The following FANCB variants were observed in gnomAD, a reference collection of about 807,000 sequenced individuals.
FANCB encodes Fanconi anemia group B protein.
In FANCB, 5 loss-of-function variants were observed where a neutral mutation model predicts 38.9. The ratio of observed to expected loss-of-function variants is 0.13; its 90% CI spans 0.07 to 0.27. The LOEUF (loss-of-function observed/expected upper bound fraction) is 0.27, where lower values mean the gene tolerates loss of function less well. Among genes scored for constraint, FANCB ranks in the 10% least tolerant of loss-of-function variants. FANCB has a pLI of 1.00. For missense variants in FANCB, 573 were observed against 602.7 expected (o/e 0.95, Z 0.52); for synonymous variants, 236 against 215.4 (o/e 1.10, Z -0.84).
At chrX:14,813,422 G>A in the FANCB span, among the ~76,000 whole-genome samples, 3 of 111,303 alleles carry the variant, frequency 2.7e-5, no homozygotes, top group African/African-American at 3.3e-5. Context: ...AAACCCCATC[G>A]TCTCAGCCCA....
In FANCB at chrX:14,845,777, G is replaced by T. The variant is rs747354156; in HGVS notation, c.1497-491C>A. On this transcript the variant is annotated intron_variant, in intron 7 of 9. Coordinates refer to ENST00000650831, the MANE Select transcript of FANCB (RefSeq NM_001018113.3). Reference sequence around the variant, plus strand: ...AATTGTATTTTTCGTTCCTCTAAACGACTTGAATAAAATCTTTTTCAGTCA... The same window carrying T: ...AATTGTATTTTTCGTTCCTCTAAACTACTTGAATAAAATCTTTTTCAGTCA... 9.0e-5 allele frequency among the ~76,000 whole-genome samples: 10 copies of T among 111,358 alleles called. No homozygotes were observed. The South Asian group carries it at 2.2e-3, about 25-fold the overall frequency.
chrX:14,713,907 A>G, the FANCB span, among the ~76,000 whole-genome samples: 2 of 111,349 alleles, frequency 1.8e-5, no homozygotes, highest in Non-Finnish European at 3.8e-5. Context: ...TTTATTTGCT[A>G]TGTTGAAAAT....
the FANCB span, among the ~76,000 whole-genome samples, chrX:14,808,641 T>C: frequency 2.7e-5 from 3 of 112,396 alleles, no homozygotes; most frequent in African/African-American, 9.7e-5. Context: ...GCCTTTCCTC[T>C]AAGATGTGTA....
chrX:14,720,397 G>A, the FANCB span, among the ~76,000 whole-genome samples: 1 of 111,872 alleles, frequency 8.9e-6, no homozygotes, highest in East Asian at 2.8e-4. Flanking sequence ...AGCATCTCAG[G>A]TTAAGCATTT....
chrX:14,769,283 G>A, the FANCB span, among the ~76,000 whole-genome samples: 2 of 111,300 alleles, frequency 1.8e-5, no homozygotes, highest in Admixed American at 9.5e-5. Context: ...CTGTGAATCC[G>A]TCGGGTCCTG....
chrX:14,695,263 A>G, the FANCB span, among the ~76,000 whole-genome samples: 1 of 111,632 alleles, frequency 9.0e-6, no homozygotes, highest in Non-Finnish European at 1.9e-5. Flanking sequence ...AACCTTAGAT[A>G]TCACTTGCAA....
the FANCB span, among the ~76,000 whole-genome samples, chrX:14,774,291 A>G: frequency 8.9e-6 from 1 of 112,033 alleles, no homozygotes; most frequent in East Asian, 2.8e-4. Flanking sequence ...AAGTGCTACT[A>G]GATATTAAAA....
chrX:14,826,571 T>C, the FANCB span, among the ~76,000 whole-genome samples: 1 of 112,621 alleles, frequency 8.9e-6, no homozygotes, highest in African/African-American at 3.2e-5. Context: ...TGAGTGAAGT[T>C]GCACATGTTA....
At chrX:14,813,114 A>G in the FANCB span, among the ~76,000 whole-genome samples, 1 of 107,223 alleles carries the variant, frequency 9.3e-6, no homozygotes, top group African/African-American at 3.5e-5. Context: ...AAAATTCAAC[A>G]ACCCTTCATG....
downstream of FANCB, chrX:14,843,334 C>CA (rs776353908): frequency 3.1e-4 from 101 of 329,071 alleles, no homozygotes; most frequent in East Asian, 6.6e-4. Context: ...TTCTGACAAC[C>CA]AAAAAAAAAT....
intron 10 of FANCB, among the ~76,000 whole-genome samples, chrX:14,836,638 A>G (rs1350586816): frequency 8.9e-6 from 1 of 111,794 alleles, no homozygotes; most frequent in Non-Finnish European, 1.9e-5. Context: ...CCTTTTTGCT[A>G]TTCAAAGTGC....
intron 3 of FANCB, among the ~76,000 whole-genome samples, chrX:14,861,360 T>C (rs1163779774): frequency 8.9e-6 from 1 of 111,954 alleles, no homozygotes. Flanking sequence ...TTTTATGAAG[T>C]GTTGATCTGG....
the FANCB span, among the ~76,000 whole-genome samples, chrX:14,808,004 C>T: frequency 9.0e-6 from 1 of 111,189 alleles, no homozygotes; most frequent in Non-Finnish European, 1.9e-5. Flanking sequence ...TACAACCTAC[C>T]AAGATGGAAC....
At chrX:14,860,998 T>A (rs1315734278) in intron 3 of FANCB, among the ~76,000 whole-genome samples, 1 of 110,801 alleles carries the variant, frequency 9.0e-6, no homozygotes, top group Non-Finnish European at 1.9e-5. Flanking sequence ...TCTTCCCACC[T>A]CGGCCTCCCA....
chrX:14,852,971 A>G, intron 6 of FANCB, 68 bp downstream of exon 6: 1 of 1,017,730 alleles, frequency 9.8e-7, no homozygotes, highest in South Asian at 2.0e-5. Context: ...TCCAATTTAA[A>G]TAACTTTTCA....
At chrX:14,870,707 T>C (rs777473031) in intron 1 of FANCB, among the ~76,000 whole-genome samples, 33 of 111,782 alleles carry the variant, frequency 3.0e-4, no homozygotes, top group African/African-American at 1.0e-3. Context: ...TTAATAAATA[T>C]GTTGTTCATT....
intron 1 of FANCB, among the ~76,000 whole-genome samples, chrX:14,872,048 T>C (rs905515240): frequency 9.0e-6 from 1 of 111,643 alleles, no homozygotes. Flanking sequence ...AATAAAAAAA[T>C]GTAAAACTGT....
At chrX:14,764,315 T>G in the FANCB span, among the ~76,000 whole-genome samples, 1 of 111,311 alleles carries the variant, frequency 9.0e-6, no homozygotes, top group Admixed American at 9.6e-5. Context: ...TGAGGGCCAT[T>G]CTCTGCTCAT....
the FANCB span, among the ~76,000 whole-genome samples, chrX:14,798,600 A>G: frequency 8.9e-6 from 1 of 112,582 alleles, no homozygotes; most frequent in African/African-American, 3.2e-5. Context: ...TAAAACAAAT[A>G]CAAGAGACTT....
Sources: allele counts gnomAD v4.1 joint callset (sites outside exome capture counted in the v4.1 genomes callset), GRCh38; gene constraint gnomAD v4.1.1; transcripts MANE v1.5; gene names NCBI Gene and HGNC (gene_info 2026-07-23, HGNC 2026-07-21).